Variants in FANCD2 observed in about 807,000 individuals in gnomAD.
FANCD2 encodes Fanconi anemia group D2 protein.
Under a neutral mutation model 192.3 loss-of-function variants are expected in FANCD2, and 131 were observed. The observed-to-expected ratio is 0.68, with a 90% CI of 0.59 to 0.79. FANCD2 has a LOEUF of 0.79. Among genes scored for constraint, FANCD2 ranks in the 30% least tolerant of loss-of-function variants. The pLI, the probability that FANCD2 is intolerant of heterozygous loss-of-function variation, is 0.00. For missense variants in FANCD2, 1,508 were observed against 1,701.6 expected, an observed-to-expected ratio of 0.89 and a Z score of 2.00; for synonymous variants, 524 against 612.5, an observed-to-expected ratio of 0.86 and a Z score of 2.13.
chr3:10,076,026 C>T lies in FANCD2; in HGVS notation c.2859+1353C>T, dbSNP rs1200657533. 3.9e-4 allele frequency among the ~76,000 whole-genome samples: 58 copies of T among 149,664 alleles called. 1 individual carries two copies. The highest frequency in any genetic ancestry group is 6.9e-3 in the Middle Eastern group (2 of 290). On this transcript the variant is annotated intron_variant, in intron 29 of 43. Transcript: ENST00000675286. The stretch of plus-strand genomic sequence containing the variant: ...GATTACAGGTGTGAGCCACTGCGCC[C>T]AGCCATATCTTTTTTTTTTTTTTTT...
At chr3:10,090,271 C>T (rs1266123291) in intron 36 of FANCD2, 21 bp from the exon 37 acceptor site, 7 of 1,578,992 alleles carry the variant, frequency 4.4e-6, no homozygotes, top group South Asian at 1.1e-5. Flanking sequence ...TGTGGGCACG[C>T]ATGCTTTTCC....
intron 43 of FANCD2, chr3:10,099,126 C>A: frequency 3.4e-6 from 5 of 1,483,478 alleles, no homozygotes; most frequent in Non-Finnish European, 4.4e-6. Context: ...GAGAAGTCAT[C>A]GAAGTATTTT....
intron 2 of FANCD2, chr3:10,032,460 G>T (rs1387936234): frequency 3.4e-6 from 1 of 294,262 alleles, no homozygotes; most frequent in South Asian, 3.0e-5. Context: ...TGTGTGTGGA[G>T]GGGGGGAATG....
chr3:10,044,004 G>A (rs1247161959), intron 14 of FANCD2, 140 bp downstream of exon 14: 143 of 715,306 alleles, frequency 2.0e-4, no homozygotes, highest in Non-Finnish European at 1.6e-4. Flanking sequence ...ATAAACATTA[G>A]CTGTCTGGGG....
intron 40 of FANCD2, 77 bp downstream of exon 40, chr3:10,094,440 G>T: frequency 8.1e-7 from 1 of 1,240,922 alleles, no homozygotes; most frequent in East Asian, 2.3e-5. Context: ...ACTCCTGGGT[G>T]GGGCTGGGAG....
chr3:10,067,873 A>G (rs994052674), intron 26 of FANCD2, among the ~76,000 whole-genome samples: 7 of 152,218 alleles, frequency 4.6e-5, no homozygotes, highest in Non-Finnish European at 8.8e-5. Flanking sequence ...GGATTGTTCA[A>G]CATATGTAAA....
intron 26 of FANCD2, among the ~76,000 whole-genome samples, chr3:10,068,214 C>A (rs1438970751): frequency 6.6e-6 from 1 of 152,068 alleles, no homozygotes; most frequent in Non-Finnish European, 1.5e-5. Flanking sequence ...TCCTTGTTTG[C>A]AGATGATATG....
intron 41 of FANCD2, among the ~76,000 whole-genome samples, chr3:10,095,563 C>T (rs1320856028): frequency 6.6e-6 from 1 of 152,206 alleles, no homozygotes; most frequent in East Asian, 1.9e-4. Context: ...GCAAAGTCCT[C>T]TAGGTAACAG....
At chr3:10,068,490 A>G (rs66915020) in intron 26 of FANCD2, among the ~76,000 whole-genome samples, 34,066 of 152,050 alleles carry the variant, frequency 0.22, 4,903 homozygotes, top group African/African-American at 0.41. Context: ...GCAAGAAATT[A>G]AAGAGCAAAT....
At chr3:10,041,950 G>T (rs1037813365) in intron 10 of FANCD2, among the ~76,000 whole-genome samples, 1 of 149,336 alleles carries the variant, frequency 6.7e-6, no homozygotes, top group African/African-American at 2.5e-5. Flanking sequence ...CCAGGCTGGA[G>T]TGCAGTGGTG....
At chr3:10,034,347 ATT>A in intron 3 of FANCD2, 120 bp from the exon 4 acceptor site, 2 of 639,554 alleles carry the variant, frequency 3.1e-6, no homozygotes, top group Non-Finnish European at 2.8e-6. Context: ...AAAAAAAAAG[ATT>A]TGTCTCTGAA....
At chr3:10,038,338 A>G (rs1437545242) in intron 7 of FANCD2, among the ~76,000 whole-genome samples, 4 of 152,056 alleles carry the variant, frequency 2.6e-5, no homozygotes, top group Non-Finnish European at 4.4e-5. Context: ...CTCATGCTGG[A>G]TGCTTTACAT....
chr3:10,037,464 A>G (rs1575738911), intron 7 of FANCD2: 1 of 152,172 alleles, frequency 6.6e-6, no homozygotes, highest in Non-Finnish European at 1.5e-5. Flanking sequence ...AAAACCTTAG[A>G]TTTTGCATAC....
chr3:10,089,148 G>A (rs1334887188), intron 36 of FANCD2, among the ~76,000 whole-genome samples, 198 bp downstream of exon 36: 3 of 152,056 alleles, frequency 2.0e-5, no homozygotes, highest in Non-Finnish European at 4.4e-5. Flanking sequence ...AGCCGGGCGT[G>A]GTGGCACATG....
intron 28 of FANCD2, among the ~76,000 whole-genome samples, chr3:10,074,192 C>T (rs747840074): frequency 3.3e-5 from 5 of 152,312 alleles, no homozygotes; most frequent in Middle Eastern, 3.4e-3. Context: ...GATCCACCCA[C>T]GTCAGCCTCC....
At chr3:10,051,695 T>A (rs2087224359) in intron 17 of FANCD2, among the ~76,000 whole-genome samples, 1 of 152,120 alleles carries the variant, frequency 6.6e-6, no homozygotes, top group African/African-American at 2.4e-5. Flanking sequence ...GCTTGTAGGC[T>A]GAGAGAAAGG....
At chr3:10,027,828 C>A (rs1162191098) in intron 1 of FANCD2, among the ~76,000 whole-genome samples, 1 of 148,036 alleles carries the variant, frequency 6.8e-6, no homozygotes, top group African/African-American at 2.6e-5. Flanking sequence ...TGGTGTGAAC[C>A]CGGGAGGTGG....
At chr3:10,036,181 C>CA in intron 6 of FANCD2, 106 bp from the exon 7 acceptor site, 1 of 853,392 alleles carries the variant, frequency 1.2e-6, no homozygotes, top group South Asian at 1.4e-5. Context: ...CTGCCTTCCC[C>CA]AGGTCCAAGA....
intron 29 of FANCD2, among the ~76,000 whole-genome samples, chr3:10,075,777 C>CT (rs1230032140): frequency 3.2e-5 from 4 of 125,482 alleles, no homozygotes; most frequent in African/African-American, 6.0e-5. Flanking sequence ...GTTGCACAGG[C>CT]TGGAGTGCGG....
Sources: gnomAD v4.1 joint callset for allele counts (sites outside exome capture counted in the v4.1 genomes callset) on GRCh38, gnomAD v4.1.1 for gene constraint, MANE v1.5 for transcripts, NCBI Gene and HGNC (gene_info 2026-07-23, HGNC 2026-07-21) for gene names.